Variants in DMD observed in about 807,000 individuals in gnomAD.
DMD encodes mutant dystrophin.
DMD carries 63 observed loss-of-function variants against 330.1 expected under a neutral mutation model. The observed-to-expected ratio is 0.19, with a 90% CI of 0.16 to 0.24. The LOEUF is 0.24. Among genes scored for constraint, DMD ranks in the 10% least tolerant of loss-of-function variants. The probability of loss-of-function intolerance (pLI) is 1.00; values close to 1 mark genes in which losing one functional copy is unlikely to be tolerated. For missense variants in DMD, 3,344 were observed against 2,684.1 expected, an observed-to-expected ratio of 1.25 and a Z score of -5.43; for synonymous variants, 1,223 against 959.8, an observed-to-expected ratio of 1.27 and a Z score of -5.07.
At chrX:32,446,915 T>C (rs2098307541) in intron 27 of DMD, among the ~76,000 whole-genome samples, 1 of 110,764 alleles carries the variant, frequency 9.0e-6, no homozygotes, top group South Asian at 3.8e-4. Flanking sequence ...GTTAGAAATG[T>C]TATTATACAT....
chrX:32,138,762 G>A (rs1445044992), intron 44 of DMD, among the ~76,000 whole-genome samples: 2 of 112,083 alleles, frequency 1.8e-5, no homozygotes, highest in Admixed American at 1.9e-4. Context: ...TACAGCTCCT[G>A]TCATGCCATA....
chrX:32,113,114 T>C (rs1833666379), intron 44 of DMD, among the ~76,000 whole-genome samples: 1 of 112,568 alleles, frequency 8.9e-6, no homozygotes, highest in South Asian at 3.6e-4. Flanking sequence ...TAAATGTAAC[T>C]ATTTAATTAA....
chrX:31,164,656 G>A (rs1051706637), intron 74 of DMD, among the ~76,000 whole-genome samples: 1 of 110,968 alleles, frequency 9.0e-6, no homozygotes, highest in African/African-American at 3.3e-5. Context: ...GGGCTCCCAT[G>A]TGACTCCCCC....
At chrX:32,076,074 A>C (rs1296356331) in intron 44 of DMD, among the ~76,000 whole-genome samples, 4 of 94,734 alleles carry the variant, frequency 4.2e-5, no homozygotes, top group African/African-American at 1.6e-4. Flanking sequence ...AAAAAAAAAA[A>C]AAAAAAAAAA....
chrX:31,952,430 T>C (rs2095194461), intron 45 of DMD, among the ~76,000 whole-genome samples: 1 of 102,799 alleles, frequency 9.7e-6, no homozygotes, highest in African/African-American at 3.7e-5. Context: ...TTTTTATTTA[T>C]CTATTTTCAA....
intron 29 of DMD, among the ~76,000 whole-genome samples, chrX:32,436,098 A>C (rs761821136): frequency 1.2e-4 from 14 of 112,169 alleles, no homozygotes; most frequent in African/African-American, 4.5e-4. Context: ...GGATTGGGTC[A>C]ATGAAGGAAA....
At chrX:31,601,424 C>T (rs2077363078) in intron 55 of DMD, among the ~76,000 whole-genome samples, 1 of 112,202 alleles carries the variant, frequency 8.9e-6, no homozygotes, top group South Asian at 3.7e-4. Context: ...CATTATCCGC[C>T]AGTCTGTTCC....
chrX:32,217,182 A>C (rs1479308666), intron 43 of DMD, 119 bp from the exon 44 acceptor site: 23 of 688,077 alleles, frequency 3.3e-5, no homozygotes, highest in Non-Finnish European at 4.7e-5. Context: ...AGTTTCCTGC[A>C]TTTGCAGAGT....
chrX:31,462,599 T>C (rs945427649), intron 59 of DMD, among the ~76,000 whole-genome samples: 1 of 111,960 alleles, frequency 8.9e-6, no homozygotes, highest in Non-Finnish European at 1.9e-5. Context: ...GGCTCTTTCT[T>C]CTCCTGTATT....
chrX:31,134,003 G>A (rs74602021), intron 77 of DMD, 99 bp downstream of exon 77: 25 of 727,724 alleles, frequency 3.4e-5, no homozygotes, highest in African/African-American at 1.9e-4. Flanking sequence ...CTGATACTGC[G>A]TGTTGGCTTC....
chrX:32,318,396 G>A (rs1404575075), intron 41 of DMD, among the ~76,000 whole-genome samples: 3 of 111,426 alleles, frequency 2.7e-5, no homozygotes, highest in Non-Finnish European at 5.7e-5. Flanking sequence ...TTTAATCTGC[G>A]TTGTCACTGT....
At chrX:33,024,017 A>G (rs2093957761) in intron 1 of DMD, among the ~76,000 whole-genome samples, 1 of 111,637 alleles carries the variant, frequency 9.0e-6, no homozygotes, top group African/African-American at 3.2e-5. Context: ...TTTTATTGCT[A>G]TTTGTCATAT....
In DMD at chrX:31,370,098, C is replaced by CAAAAAAAAAAAAA. The variant is rs59989996; in HGVS notation, c.9085-21477_9085-21465dup. Among the ~76,000 whole-genome samples the CAAAAAAAAAAAAA allele has an allele frequency of 8.1e-4, 48 of 59,315 alleles. 1 individual carries two copies. Among genetic ancestry groups the CAAAAAAAAAAAAA allele is most frequent in the African/African-American group, 3.7e-3 (47 of 12,704 alleles). The allele number at this position is 59,315 out of a possible 115,157, so 51.5% of individuals were successfully genotyped here. On this transcript the variant is annotated intron_variant, in intron 60 of 78. Transcript: ENST00000357033. ...TGGGCGACAGAGCGAGGCTCCGTCTCAAAAAAAAAAAAAAAAAAGAACAGG... is the reference window on the plus strand; with the variant it reads ...TGGGCGACAGAGCGAGGCTCCGTCTCAAAAAAAAAAAAAAAAAAAAAAAAAAAAAAAGAACAGG...
chrX:32,545,130 T>C (rs749491828), intron 17 of DMD, 29 bp downstream of exon 17: 2 of 1,192,434 alleles, frequency 1.7e-6, no homozygotes, highest in African/African-American at 3.5e-5. Flanking sequence ...TCCACTTCAT[T>C]TGCAGATAAA....
chrX:33,025,112 T>C (rs1225965143), intron 1 of DMD, among the ~76,000 whole-genome samples: 8 of 111,872 alleles, frequency 7.2e-5, no homozygotes, highest in African/African-American at 2.6e-4. Context: ...AAGCGTATTA[T>C]AGGAGCATGG....
intron 2 of DMD, 151 bp from the exon 3 acceptor site, chrX:32,849,971 T>A: frequency 2.0e-6 from 1 of 492,456 alleles, no homozygotes; most frequent in Admixed American, 4.0e-5. Flanking sequence ...AAAAGGAAAG[T>A]TCAAATGACA....
At chrX:31,918,426 G>A (rs1793609473) in intron 47 of DMD, among the ~76,000 whole-genome samples, 1 of 111,102 alleles carries the variant, frequency 9.0e-6, no homozygotes, top group South Asian at 3.8e-4. Context: ...TGGAGAATAA[G>A]AAGGTGGAAC....
chrX:32,923,849 A>T (rs2088698868), intron 2 of DMD, among the ~76,000 whole-genome samples: 1 of 111,909 alleles, frequency 8.9e-6, no homozygotes, highest in South Asian at 3.7e-4. Flanking sequence ...TTAAATTTTA[A>T]TTAGGAAAAG....
At chrX:33,151,524 T>C (rs1179953486) in intron 1 of DMD, among the ~76,000 whole-genome samples, 1 of 112,288 alleles carries the variant, frequency 8.9e-6, no homozygotes, top group African/African-American at 3.2e-5. Context: ...TATTTAGATA[T>C]GAGAGATACA....
Sources: allele counts gnomAD v4.1 joint callset (sites outside exome capture counted in the v4.1 genomes callset), GRCh38; gene constraint gnomAD v4.1.1; transcripts MANE v1.5; gene names NCBI Gene and HGNC (gene_info 2026-07-23, HGNC 2026-07-21).